The following RALYL variants were observed in gnomAD, a reference collection of about 807,000 sequenced individuals.
RALYL encodes the protein RNA-binding Raly-like protein.
Under a neutral mutation model 35.1 loss-of-function variants are expected in RALYL, and 29 were observed. That is an observed-to-expected ratio of 0.83 (90% CI 0.61 to 1.13). RALYL has a LOEUF of 1.13. Ranked by LOEUF, RALYL falls within the 50% of genes most tolerant of loss-of-function variation. The pLI, the probability that RALYL is intolerant of heterozygous loss-of-function variation, is 0.00. For missense variants in RALYL, 359 were observed against 360.4 expected (o/e 1.00, Z 0.03); for synonymous variants, 120 against 127.6 (o/e 0.94, Z 0.40).
chr8:84,672,938 GC>G (rs1833543052), intron 2 of RALYL, among the ~76,000 whole-genome samples: 1 of 149,454 alleles, frequency 6.7e-6, no homozygotes, highest in Non-Finnish European at 1.5e-5. Flanking sequence ...AGTCAAATCT[GC>G]AGAGAATCTA....
chr8:84,711,194 CA>C (rs1373758892), intron 2 of RALYL, among the ~76,000 whole-genome samples: 2 of 151,830 alleles, frequency 1.3e-5, no homozygotes, highest in Non-Finnish European at 2.9e-5. Flanking sequence ...AAGATGAGGT[CA>C]AAAAAGCATG....
chr8:84,906,320 G>A (rs886792048), intron 8 of RALYL, among the ~76,000 whole-genome samples: 1 of 151,942 alleles, frequency 6.6e-6, no homozygotes, highest in Non-Finnish European at 1.5e-5. Flanking sequence ...TGAGTATGAT[G>A]AGCTGTAAAA....
chr8:84,652,808 A>T (rs1170590051), intron 2 of RALYL, among the ~76,000 whole-genome samples: 1 of 152,022 alleles, frequency 6.6e-6, no homozygotes, highest in Non-Finnish European at 1.5e-5. Flanking sequence ...ATTGTTGCCT[A>T]TCCGGCTTAG....
chr8:84,446,516 A>G (rs1300380783), intron 1 of RALYL, among the ~76,000 whole-genome samples: 2 of 152,052 alleles, frequency 1.3e-5, no homozygotes, highest in African/African-American at 2.4e-5. Flanking sequence ...GACCATCTGT[A>G]TGGGATTGGG....
chr8:84,637,189 G>A (rs1564285998), intron 2 of RALYL, among the ~76,000 whole-genome samples: 2 of 151,870 alleles, frequency 1.3e-5, no homozygotes, highest in East Asian at 3.9e-4. Flanking sequence ...ATTTGATGTT[G>A]CAGACATTTT....
intron 8 of RALYL, among the ~76,000 whole-genome samples, chr8:84,902,298 A>G (rs1845825062): frequency 6.6e-6 from 1 of 152,106 alleles, no homozygotes; most frequent in Non-Finnish European, 1.5e-5. Flanking sequence ...GCTAGGTGCC[A>G]CACACTTTCA....
chr8:84,647,795 C>G (rs1057268404), intron 2 of RALYL, among the ~76,000 whole-genome samples: 1 of 151,926 alleles, frequency 6.6e-6, no homozygotes, highest in East Asian at 1.9e-4. Context: ...AGAAGGATAA[C>G]GAGTGCTGGA....
intron 1 of RALYL, among the ~76,000 whole-genome samples, chr8:84,202,397 A>C (rs987512572): frequency 7.1e-6 from 1 of 139,872 alleles, no homozygotes; most frequent in South Asian, 2.3e-4. Flanking sequence ...TTTTTGAGAC[A>C]AGTCTTGCTC....
chr8:84,277,521 G>C (rs147861312), intron 1 of RALYL, among the ~76,000 whole-genome samples: 1 of 152,060 alleles, frequency 6.6e-6, no homozygotes, highest in African/African-American at 2.4e-5. Flanking sequence ...GTCCCCCAAA[G>C]TCTTAACTCA....
chr8:84,552,004 A>C (rs930188251), intron 2 of RALYL, among the ~76,000 whole-genome samples: 1 of 152,086 alleles, frequency 6.6e-6, no homozygotes, highest in Non-Finnish European at 1.5e-5. Flanking sequence ...ATACACATGC[A>C]TGTGCACACA....
chr8:84,729,631 C>T (rs935300416), intron 2 of RALYL, among the ~76,000 whole-genome samples: 8 of 152,050 alleles, frequency 5.3e-5, no homozygotes, highest in East Asian at 1.9e-4. Context: ...ATTGTTAGAC[C>T]GCTAGCAAGA....
At chr8:84,270,256 G>A (rs1187546951) in intron 1 of RALYL, among the ~76,000 whole-genome samples, 1 of 152,214 alleles carries the variant, frequency 6.6e-6, no homozygotes, top group African/African-American at 2.4e-5. Flanking sequence ...CACTCTGTGG[G>A]AAGGAAGAAG....
intron 1 of RALYL, among the ~76,000 whole-genome samples, chr8:84,439,632 G>T (rs2048121875): frequency 6.6e-6 from 1 of 151,896 alleles, no homozygotes; most frequent in South Asian, 2.1e-4. Context: ...GCTTAATTGT[G>T]ATAGATATTT....
chr8:84,400,758 T>A (rs2042808991), intron 1 of RALYL, among the ~76,000 whole-genome samples: 1 of 152,156 alleles, frequency 6.6e-6, no homozygotes, highest in Admixed American at 6.5e-5. Context: ...AGGAAAGCTA[T>A]GGGAAAGCTG....
chr8:84,796,539 G>A (rs1821946540), intron 3 of RALYL, among the ~76,000 whole-genome samples: 1 of 152,150 alleles, frequency 6.6e-6, no homozygotes, highest in Non-Finnish European at 1.5e-5. Context: ...TATTCTGTAA[G>A]AAGACACCTA....
At chr8:84,259,821 T>C (rs1251185124) in intron 1 of RALYL, among the ~76,000 whole-genome samples, 1 of 152,146 alleles carries the variant, frequency 6.6e-6, no homozygotes, top group Non-Finnish European at 1.5e-5. Flanking sequence ...TAACATGCTG[T>C]GTGTTTCAGC....
intron 1 of RALYL, among the ~76,000 whole-genome samples, chr8:84,313,686 C>T (rs533070672): frequency 1.3e-5 from 2 of 152,302 alleles, no homozygotes; most frequent in East Asian, 3.9e-4. Context: ...ACCTTTGCTT[C>T]ACTTCCCAAG....
intron 2 of RALYL, among the ~76,000 whole-genome samples, chr8:84,744,237 T>C (rs1808084043): frequency 6.6e-6 from 1 of 151,982 alleles, no homozygotes; most frequent in Non-Finnish European, 1.5e-5. Context: ...CTCTGTAATG[T>C]CCATAATTCT....
intron 1 of RALYL, among the ~76,000 whole-genome samples, chr8:84,293,068 A>G (rs1839065781): frequency 2.0e-5 from 3 of 152,170 alleles, no homozygotes; most frequent in South Asian, 2.1e-4. Context: ...TGAATATGTA[A>G]CATTCAAATT....
Sources: gnomAD v4.1 joint callset for allele counts (sites outside exome capture counted in the v4.1 genomes callset) on GRCh38, gnomAD v4.1.1 for gene constraint, MANE v1.5 for transcripts, NCBI Gene and HGNC (gene_info 2026-07-23, HGNC 2026-07-21) for gene names.